Variants in ZMAT4 observed in about 807,000 individuals in gnomAD.
ZMAT4 encodes zinc finger matrin-type 4, also known as zinc finger matrin-type protein 4.
A neutral mutation model predicts 28.7 loss-of-function variants in ZMAT4; 17 were observed. The observed-to-expected ratio is 0.59, with a 90% CI of 0.41 to 0.89. The LOEUF (loss-of-function observed/expected upper bound fraction) is 0.89. Ranked by LOEUF, ZMAT4 falls within the 40% of genes least tolerant of loss-of-function variation. ZMAT4 has a pLI of 0.00. For synonymous variants in ZMAT4, 117 were observed against 109.2 expected (o/e 1.07, Z -0.44); for missense variants, 240 against 283.8 (o/e 0.85, Z 1.11).
At chr8:40,823,938 A>T (rs1006397802) in intron 2 of ZMAT4, among the ~76,000 whole-genome samples, 2 of 152,224 alleles carry the variant, frequency 1.3e-5, no homozygotes, top group Non-Finnish European at 2.9e-5. Context: ...AATGATGAAT[A>T]AGCATATAAC....
chr8:40,846,645 C>G (rs1239505801), intron 1 of ZMAT4, among the ~76,000 whole-genome samples: 5 of 152,226 alleles, frequency 3.3e-5, no homozygotes, highest in African/African-American at 1.2e-4. Context: ...GAGCATCCTG[C>G]ATCTTTCCAG....
chr8:40,668,243 A>G (rs1808514974), intron 5 of ZMAT4, among the ~76,000 whole-genome samples: 1 of 152,034 alleles, frequency 6.6e-6, no homozygotes, highest in African/African-American at 2.4e-5. Context: ...AGTTTGAGGC[A>G]GGCGGATCAC....
At chr8:40,589,976 CCTTCCTTCCTTCCTTCCTT>C (rs1804830056) in intron 5 of ZMAT4, among the ~76,000 whole-genome samples, 3 of 86,962 alleles carry the variant, frequency 3.4e-5, no homozygotes, top group Admixed American at 1.3e-4. Context: ...TCCCTCCCTT[CCTTCCTTCCTTCCTTCCTT>C]CCTTCCTTCC....
intron 1 of ZMAT4, among the ~76,000 whole-genome samples, chr8:40,881,917 C>T (rs1458047115): frequency 1.3e-5 from 2 of 152,164 alleles, no homozygotes; most frequent in African/African-American, 4.8e-5. Flanking sequence ...CATGCCACCA[C>T]CTCCCCCATG....
chr8:40,627,206 T>C (rs1806409578), intron 5 of ZMAT4, among the ~76,000 whole-genome samples: 2 of 152,202 alleles, frequency 1.3e-5, no homozygotes, highest in Admixed American at 6.5e-5. Flanking sequence ...AGGCTAAGAA[T>C]GTTGCTGTGG....
chr8:40,562,451 T>G (rs1254431343), intron 6 of ZMAT4, among the ~76,000 whole-genome samples: 1 of 148,322 alleles, frequency 6.7e-6, no homozygotes, highest in Non-Finnish European at 1.5e-5. Context: ...TTTATGAAAT[T>G]CCACCTGCTA....
intron 2 of ZMAT4, 124 bp from the exon 3 acceptor site, chr8:40,767,854 C>T (rs893917611): frequency 1.4e-6 from 1 of 704,082 alleles, no homozygotes; most frequent in African/African-American, 1.8e-5. Context: ...TCTGCATACT[C>T]CTGTGAGGGA....
chr8:40,601,456 G>A (rs1266403073), intron 5 of ZMAT4, among the ~76,000 whole-genome samples: 386 of 32,528 alleles, frequency 0.012, 3 homozygotes, highest in East Asian at 0.082. Context: ...AAGGAAGGAA[G>A]GGAGGAAGAA....
chr8:40,581,197 A>G lies in ZMAT4; in HGVS notation c.642T>C (p.His214=). The change falls in exon 6 of 7, where the codon CAT becomes CAC. Residue 214 remains histidine, a synonymous_variant. Transcript: ENST00000297737. ...GGTGTTTAGATCCTTTCAGATGGGC[A>G]TGATACTGTTCTATTGAGTTTAGGG... ...SVSLNSIEQY[H]AHLKGSKHQT... The G allele has an allele frequency of 3.1e-6, 5 of 1,613,510 alleles. No individual in the cohort carries two copies. Among genetic ancestry groups the G allele is most frequent in the Non-Finnish European group, 4.2e-6 (5 of 1,179,570 alleles).
intron 1 of ZMAT4, among the ~76,000 whole-genome samples, chr8:40,872,616 G>T (rs573321057): frequency 2.0e-5 from 3 of 152,190 alleles, no homozygotes. Flanking sequence ...GATCAAAGGT[G>T]CTGGTGACAG....
chr8:40,705,052 C>T (rs1392363437), intron 3 of ZMAT4, among the ~76,000 whole-genome samples: 1 of 152,092 alleles, frequency 6.6e-6, no homozygotes, highest in Non-Finnish European at 1.5e-5. Context: ...ATGAAAACTC[C>T]CAATTTCCAT....
intron 5 of ZMAT4, among the ~76,000 whole-genome samples, chr8:40,613,322 A>G (rs1313598727): frequency 1.3e-5 from 2 of 150,364 alleles, no homozygotes; most frequent in African/African-American, 4.9e-5. Context: ...AGCTGGGATT[A>G]CAGGTGCCTG....
chr8:40,851,188 G>A (rs1817092405), intron 1 of ZMAT4, among the ~76,000 whole-genome samples: 2 of 152,118 alleles, frequency 1.3e-5, no homozygotes, highest in South Asian at 4.2e-4. Context: ...TTAGCTGGGT[G>A]TGGTGGCACA....
chr8:40,663,265 A>G (rs779199791), intron 5 of ZMAT4, among the ~76,000 whole-genome samples: 23 of 152,196 alleles, frequency 1.5e-4, no homozygotes, highest in Non-Finnish European at 2.6e-4. Context: ...ACATATCTCA[A>G]TGCTAACTTC....
chr8:40,737,376 G>A (rs372905578), intron 3 of ZMAT4, among the ~76,000 whole-genome samples: 36 of 152,154 alleles, frequency 2.4e-4, no homozygotes, highest in African/African-American at 7.7e-4. Context: ...ATCTCTGGGT[G>A]GGTCAGAATT....
chr8:40,561,113 G>A (rs1230200299), intron 6 of ZMAT4, among the ~76,000 whole-genome samples: 1 of 152,088 alleles, frequency 6.6e-6, no homozygotes, highest in African/African-American at 2.4e-5. Flanking sequence ...GCTTTTCTGT[G>A]TACTGTGCAA....
intron 3 of ZMAT4, among the ~76,000 whole-genome samples, chr8:40,706,070 T>C (rs1810336713): frequency 6.6e-6 from 1 of 152,164 alleles, no homozygotes; most frequent in Non-Finnish European, 1.5e-5. Flanking sequence ...GGTTGTTTTT[T>C]CTTTTGAGAC....
At chr8:40,764,425 G>T (rs1055297746) in intron 3 of ZMAT4, among the ~76,000 whole-genome samples, 2 of 152,158 alleles carry the variant, frequency 1.3e-5, no homozygotes, top group Non-Finnish European at 2.9e-5. Flanking sequence ...GGCAACAATA[G>T]ACCTTAGAAG....
chr8:40,609,576 C>A (rs1805720738), intron 5 of ZMAT4, among the ~76,000 whole-genome samples: 1 of 152,164 alleles, frequency 6.6e-6, no homozygotes, highest in Non-Finnish European at 1.5e-5. Context: ...CAGTTAGGCT[C>A]TAATATTGGC....
Sources: allele counts gnomAD v4.1 joint callset (sites outside exome capture counted in the v4.1 genomes callset), GRCh38; gene constraint gnomAD v4.1.1; transcripts MANE v1.5; gene names NCBI Gene and HGNC (gene_info 2026-07-23, HGNC 2026-07-21).